Variants in UBE4B observed in about 807,000 individuals in gnomAD.
UBE4B encodes the protein ubiquitin conjugation factor E4 B.
UBE4B carries 27 observed loss-of-function variants against 148.1 expected under a neutral mutation model. That is an observed-to-expected ratio of 0.18 (90% CI 0.13 to 0.25). The LOEUF is 0.25. Ranked by LOEUF, UBE4B falls within the 10% of genes least tolerant of loss-of-function variation. The pLI, the probability that UBE4B is intolerant of heterozygous loss-of-function variation, is 1.00. For missense variants in UBE4B, 1,170 were observed against 1,662.4 expected (o/e 0.70, Z 5.15); for synonymous variants, 596 against 619.3 (o/e 0.96, Z 0.56).
intron 15 of UBE4B, among the ~76,000 whole-genome samples, chr1:10,133,454 A>G (rs947870006): frequency 1.3e-5 from 2 of 152,190 alleles, no homozygotes; most frequent in African/African-American, 2.4e-5. Context: ...AATATTAACT[A>G]TCATTCTTAT....
chr1:10,072,379 CTT>C (rs879194131), intron 2 of UBE4B, 165 bp downstream of exon 2: 9 of 674,358 alleles, frequency 1.3e-5, no homozygotes, highest in African/African-American at 5.8e-5. Context: ...TGTGTTATCG[CTT>C]TTTTTTTTAT....
chr1:10,105,182 G>A (rs181847403), intron 5 of UBE4B, among the ~76,000 whole-genome samples: 5 of 152,132 alleles, frequency 3.3e-5, no homozygotes, highest in Non-Finnish European at 5.9e-5. Flanking sequence ...ATACATCAGC[G>A]GTAACTCTCA....
chr1:10,103,373 A>G (rs990304202), intron 5 of UBE4B, among the ~76,000 whole-genome samples: 1 of 151,416 alleles, frequency 6.6e-6, no homozygotes, highest in Non-Finnish European at 1.5e-5. Flanking sequence ...CTTTGTAGTA[A>G]GAAGGTGCTT....
intron 17 of UBE4B, among the ~76,000 whole-genome samples, chr1:10,137,845 T>C (rs1223352771): frequency 6.6e-6 from 1 of 150,896 alleles, no homozygotes; most frequent in African/African-American, 2.4e-5. Flanking sequence ...GTCTAGAACC[T>C]GCGTAGTCTG....
chr1:10,064,764 G>C (rs1271475361), intron 1 of UBE4B, among the ~76,000 whole-genome samples: 2 of 150,742 alleles, frequency 1.3e-5, no homozygotes, highest in Non-Finnish European at 3.0e-5. Flanking sequence ...TTCTATTCTG[G>C]ACTTTTTTTT....
chr1:10,168,361 A>G lies in UBE4B; in HGVS notation c.3333+91A>G. 16 of 1,501,388 alleles carry G rather than the reference A, an allele frequency of 1.1e-5. No homozygotes were observed. The highest frequency in any genetic ancestry group is 1.4e-5 in the Non-Finnish European group (16 of 1,120,712). The allele number at this position is 1,501,388 out of a possible 1,614,324, so 93.0% of individuals were successfully genotyped here. ...CTTTAGCAGTTGTTGAAGTTCTGGA[A>G]ATTTTAGGATCACAGTCATCAATAA... On this transcript the variant is annotated intron_variant, in intron 24 of 27. Coordinates refer to ENST00000343090, the MANE Select transcript of UBE4B (RefSeq NM_001105562.3). This position sits in a 1 kb window ranked among gnomAD's most constrained non-coding sequence, Gnocchi z 4.9.
chr1:10,151,192 A>G lies in UBE4B; in HGVS notation c.2691-134A>G. 5 of 724,990 alleles carry G rather than the reference A, an allele frequency of 6.9e-6. No individual in the cohort carries two copies. The South Asian group carries it at 9.3e-5, about 14-fold the overall frequency. The allele number at this position is 724,990 out of a possible 1,614,324, so 44.9% of individuals were successfully genotyped here. On this transcript the variant is annotated intron_variant, in intron 20 of 27. Transcript: ENST00000343090. ...AAAAAAAAAAGTCACTGTAAACTGA[A>G]TGAGTTCAAGGGCACTCCCAAACCT...
chr1:10,108,458 G>A (rs961275788), intron 7 of UBE4B, among the ~76,000 whole-genome samples: 1 of 152,172 alleles, frequency 6.6e-6, no homozygotes, highest in East Asian at 1.9e-4. Flanking sequence ...TACTTGGGTT[G>A]TGTAGGTGAC....
chr1:10,052,714 G>C (rs888503259), intron 1 of UBE4B, among the ~76,000 whole-genome samples: 30 of 152,272 alleles, frequency 2.0e-4, no homozygotes, highest in African/African-American at 7.2e-4. Context: ...AGCTGGTCTT[G>C]GTTGTCATTG....
intron 1 of UBE4B, among the ~76,000 whole-genome samples, chr1:10,055,272 T>C (rs1330418468): frequency 1.3e-5 from 2 of 152,024 alleles, no homozygotes; most frequent in Non-Finnish European, 2.9e-5. Context: ...CTTTTCATCA[T>C]TTTTTCTTTT....
intron 7 of UBE4B, among the ~76,000 whole-genome samples, chr1:10,114,391 T>A (rs925759058): frequency 9.2e-5 from 14 of 152,186 alleles, no homozygotes. Context: ...ATATTTATTT[T>A]TTCCTTTCGG....
intron 23 of UBE4B, chr1:10,163,235 A>T (rs547968351): frequency 2.0e-4 from 30 of 152,176 alleles, no homozygotes; most frequent in Admixed American, 1.0e-3. Context: ...TTGGCTAATT[A>T]AAAAAATTTT....
intron 1 of UBE4B, among the ~76,000 whole-genome samples, chr1:10,053,877 A>G (rs1362081490): frequency 1.3e-5 from 2 of 151,966 alleles, no homozygotes; most frequent in Non-Finnish European, 2.9e-5. Flanking sequence ...TTTGTAGACA[A>G]GGCCTCGCTA....
At chr1:10,147,560 T>C (rs574284411) in intron 19 of UBE4B, among the ~76,000 whole-genome samples, 2 of 152,360 alleles carry the variant, frequency 1.3e-5, no homozygotes, top group South Asian at 2.1e-4. Flanking sequence ...TGTAGTTATA[T>C]TGATAGGTGT....
chr1:10,129,526 C>A, intron 12 of UBE4B, 78 bp downstream of exon 12: 2 of 1,423,116 alleles, frequency 1.4e-6, no homozygotes, highest in South Asian at 1.2e-5. Flanking sequence ...AGTGAGATGG[C>A]CTGGAAAATG....
chr1:10,069,644 C>G (rs1437946952), intron 1 of UBE4B, among the ~76,000 whole-genome samples: 1 of 152,196 alleles, frequency 6.6e-6, no homozygotes. Flanking sequence ...AAGCGATTCT[C>G]CTGCCTCAGC....
In UBE4B at chr1:10,161,952, T is replaced by C. The variant is rs1200343060; in HGVS notation, c.3198+666T>C. Among the ~76,000 whole-genome samples, 1 of 152,030 alleles carries C rather than the reference T, an allele frequency of 6.6e-6. No individual in the cohort carries two copies. The highest frequency in any genetic ancestry group is 1.5e-5 in the Non-Finnish European group (1 of 67,990). ...GGCTCAGAATCAGAACTGATTTCCA[T>C]AAGGGGTTCTCATGTCAAAGTGGGG... On this transcript the variant is annotated intron_variant, in intron 23 of 27. Coordinates refer to ENST00000343090, the MANE Select transcript of UBE4B (RefSeq NM_001105562.3). This position sits in a 1 kb window ranked among gnomAD's most constrained non-coding sequence, Gnocchi z 4.1.
At chr1:10,123,711 C>A (rs1293805533) in intron 10 of UBE4B, among the ~76,000 whole-genome samples, 3 of 152,064 alleles carry the variant, frequency 2.0e-5, no homozygotes, top group Non-Finnish European at 4.4e-5. Flanking sequence ...ACAGAGAAGT[C>A]CTGCATTTTT....
Position 10,119,504 on chromosome 1 carries a change from C to T in UBE4B, c.1339-9C>T, listed in dbSNP as rs145426187. On this transcript the variant is annotated splice_polypyrimidine_tract_variant and intron_variant, in intron 8 of 27. Coordinates refer to ENST00000343090, the MANE Select transcript of UBE4B (RefSeq NM_001105562.3). ...TCTTGTCGTCCTCACTTCCACCTTT[C>T]CTTTTCAGATGTGCAGCCAGCCAGC... 16,750 of 1,613,166 alleles carry T rather than the reference C, an allele frequency of 0.01. 124 individuals carry two copies. Among genetic ancestry groups the T allele is most frequent in the Non-Finnish European group, 0.011 (13,232 of 1,179,346 alleles).
Sources: allele counts gnomAD v4.1 joint callset (sites outside exome capture counted in the v4.1 genomes callset), GRCh38; gene constraint gnomAD v4.1.1; non-coding constraint Gnocchi (gnomAD v3.1); transcripts MANE v1.5; gene names NCBI Gene and HGNC (gene_info 2026-07-23, HGNC 2026-07-21).